The following PRR16 variants were observed in gnomAD, a reference collection of about 807,000 sequenced individuals.
The protein encoded by PRR16 is proline rich 16, also known as protein Largen.
A neutral mutation model predicts 18.2 loss-of-function variants in PRR16; 6 were observed. The observed-to-expected ratio is 0.33, with a 90% CI of 0.18 to 0.65. The LOEUF is 0.65. Among genes scored for constraint, PRR16 ranks in the 30% least tolerant of loss-of-function variants. PRR16 has a pLI of 0.74. For synonymous variants in PRR16, 151 were observed against 147.8 expected (o/e 1.02, Z -0.16); for missense variants, 412 against 376.6 (o/e 1.09, Z -0.78).
At chr5:120,464,868 G>C (rs1749024286) in intron 1 of PRR16, among the ~76,000 whole-genome samples, 1 of 151,868 alleles carries the variant, frequency 6.6e-6, no homozygotes, top group Non-Finnish European at 1.5e-5. Flanking sequence ...TGTTTTAATC[G>C]ATGGACCTGG....
the PRR16 span, among the ~76,000 whole-genome samples, chr5:120,765,248 C>A: frequency 1.3e-5 from 2 of 151,968 alleles, no homozygotes. Context: ...GCATGTGCCT[C>A]TAATGATGTT....
At chr5:120,695,069 T>A in the PRR16 span, among the ~76,000 whole-genome samples, 1 of 152,342 alleles carries the variant, frequency 6.6e-6, no homozygotes, top group South Asian at 2.1e-4. Context: ...TTTCATACAT[T>A]CACCAATATG....
chr5:120,739,767 C>T, the PRR16 span, among the ~76,000 whole-genome samples: 1 of 152,056 alleles, frequency 6.6e-6, no homozygotes, highest in African/African-American at 2.4e-5. Flanking sequence ...GGAAGTAGTG[C>T]CTTAAATATC....
chr5:120,485,048 T>A (rs998210314), intron 1 of PRR16, among the ~76,000 whole-genome samples: 3 of 151,976 alleles, frequency 2.0e-5, no homozygotes, highest in African/African-American at 7.2e-5. Context: ...TAATCTTTAC[T>A]CTGATTTAAA....
At chr5:120,736,635 T>C in the PRR16 span, among the ~76,000 whole-genome samples, 1 of 149,640 alleles carries the variant, frequency 6.7e-6, no homozygotes, top group Admixed American at 6.7e-5. Context: ...AAACTGTCAT[T>C]GGGATTTTGA....
At chr5:120,519,222 A>G (rs971316980) in intron 1 of PRR16, among the ~76,000 whole-genome samples, 6 of 152,158 alleles carry the variant, frequency 3.9e-5, no homozygotes, top group African/African-American at 1.4e-4. Flanking sequence ...CTGATTCAAT[A>G]CAGTATTAAT....
chr5:120,626,055 A>G (rs1215011227), intron 1 of PRR16, among the ~76,000 whole-genome samples: 1 of 152,150 alleles, frequency 6.6e-6, no homozygotes, highest in Admixed American at 6.6e-5. Context: ...TTAGAATAAT[A>G]ATCAAGCACC....
At chr5:120,606,842 G>T (rs1754170050) in intron 1 of PRR16, among the ~76,000 whole-genome samples, 1 of 151,976 alleles carries the variant, frequency 6.6e-6, no homozygotes, top group East Asian at 1.9e-4. Flanking sequence ...CGAAACACAA[G>T]GCTACAGTGA....
At chr5:120,787,705 C>A in the PRR16 span, among the ~76,000 whole-genome samples, 1 of 152,100 alleles carries the variant, frequency 6.6e-6, no homozygotes, top group Admixed American at 6.5e-5. Context: ...TGCAACTGTA[C>A]TCATAGTTAA....
chr5:120,636,901 A>C (rs1317812021), intron 1 of PRR16, among the ~76,000 whole-genome samples: 4 of 152,114 alleles, frequency 2.6e-5, no homozygotes, highest in African/African-American at 9.6e-5. Flanking sequence ...TCCAATAAAG[A>C]ACTAAAATCC....
At chr5:120,715,867 A>G in the PRR16 span, among the ~76,000 whole-genome samples, 2 of 152,170 alleles carry the variant, frequency 1.3e-5, no homozygotes. Context: ...TTGCTCACAT[A>G]GGCCTTCTCT....
intron 1 of PRR16, among the ~76,000 whole-genome samples, chr5:120,641,311 T>C (rs993464693): frequency 6.6e-6 from 1 of 152,104 alleles, no homozygotes; most frequent in African/African-American, 2.4e-5. Flanking sequence ...TGCTAACAGA[T>C]TAACTGAGGA....
the PRR16 span, among the ~76,000 whole-genome samples, chr5:120,776,520 T>C: frequency 6.6e-6 from 1 of 151,944 alleles, no homozygotes; most frequent in African/African-American, 2.4e-5. Context: ...ACATTAGAGC[T>C]TGGATTTCAG....
At chr5:120,600,605 A>AT (rs1237593635) in intron 1 of PRR16, among the ~76,000 whole-genome samples, 1 of 151,872 alleles carries the variant, frequency 6.6e-6, no homozygotes, top group African/African-American at 2.4e-5. Flanking sequence ...CAGGGGGTAA[A>AT]TATGGAGGTT....
chr5:120,620,725 A>G (rs1374473099), intron 1 of PRR16, among the ~76,000 whole-genome samples: 1 of 151,980 alleles, frequency 6.6e-6, no homozygotes, highest in African/African-American at 2.4e-5. Flanking sequence ...CCCAATACTC[A>G]GAGCAAGCCT....
At chr5:120,703,088 ATT>A in the PRR16 span, among the ~76,000 whole-genome samples, 1 of 152,128 alleles carries the variant, frequency 6.6e-6, no homozygotes, top group African/African-American at 2.4e-5. Flanking sequence ...GGGTGGGGCC[ATT>A]TTATAGGATT....
chr5:120,752,183 C>A, the PRR16 span, among the ~76,000 whole-genome samples: 1 of 151,946 alleles, frequency 6.6e-6, no homozygotes, highest in African/African-American at 2.4e-5. Context: ...GAAAATTGGT[C>A]ATTTTTTATG....
intron 1 of PRR16, among the ~76,000 whole-genome samples, chr5:120,501,559 T>G (rs1750453412): frequency 6.6e-6 from 1 of 152,252 alleles, no homozygotes; most frequent in East Asian, 1.9e-4. Flanking sequence ...TTCCCTATGG[T>G]TTAAAAGATA....
In PRR16 at chr5:120,490,467, G is replaced by A. The variant is rs147370923; in HGVS notation, c.159+25822G>A. 1.1e-3 allele frequency among the ~76,000 whole-genome samples: 160 copies of A among 152,056 alleles called. 1 individual carries two copies. Among genetic ancestry groups the A allele is most frequent in the African/African-American group, 2.7e-3 (113 of 41,456 alleles). On this transcript the variant is annotated intron_variant, in intron 1 of 1. Coordinates refer to ENST00000407149, the MANE Select transcript of PRR16 (RefSeq NM_001300783.2). Reference sequence around the variant, plus strand: ...ATCAGCTACTGAGGCTTGTGTATTCGTCACGTGGTTCTCGTGCCGTGGTTT... The same window carrying A: ...ATCAGCTACTGAGGCTTGTGTATTCATCACGTGGTTCTCGTGCCGTGGTTT...
Sources: gnomAD v4.1 joint callset for allele counts (sites outside exome capture counted in the v4.1 genomes callset) on GRCh38, gnomAD v4.1.1 for gene constraint, MANE v1.5 for transcripts, NCBI Gene and HGNC (gene_info 2026-07-23, HGNC 2026-07-21) for gene names.